CPLANE1: variants seen among roughly 807,000 people sequenced by gnomAD.
CPLANE1 encodes the protein ciliogenesis and planar polarity effector complex subunit 1, also known as ciliogenesis and planar polarity effector 1.
Under a neutral mutation model 362.5 loss-of-function variants are expected in CPLANE1, and 263 were observed. The observed-to-expected ratio is 0.73, with a 90% CI of 0.66 to 0.80. The LOEUF is 0.80. Among genes scored for constraint, CPLANE1 ranks in the 30% least tolerant of loss-of-function variants. The pLI is 0.00. For synonymous variants in CPLANE1, 1,212 were observed against 1,302.6 expected (o/e 0.93, Z 1.50); for missense variants, 3,461 against 3,793.4 (o/e 0.91, Z 2.30).
At chr5:37,210,170 G>C (rs1792188438) in intron 16 of CPLANE1, 2 of 1,277,760 alleles carry the variant, frequency 1.6e-6, no homozygotes, top group Non-Finnish European at 2.3e-6. Flanking sequence ...GCACCCTTGA[G>C]AGAATTCAAA....
At position 37,115,042 on chromosome 5, in the gene CPLANE1, G is replaced by A; in HGVS notation, c.9318C>T (p.Ala3106=). 1 of 1,601,612 alleles carries A rather than the reference G, an allele frequency of 6.2e-7. No homozygotes were observed. Residue 3106 remains alanine, a synonymous_variant, in exon 51 of 53, where the codon GCC becomes GCT. Transcript: ENST00000651892. ...CAGCTTTTTTCTGTATGGTGAAAGT[G>A]GCAGTTCCTATACAGAGAGACAAAC... ...PQGSPWPHGT[A]TFTIQKKAGG...
intron 44 of CPLANE1, chr5:37,141,936 G>T: frequency 1.9e-6 from 1 of 523,270 alleles, no homozygotes; most frequent in Non-Finnish European, 2.5e-6. Context: ...GTGATGTTTG[G>T]CACATGGTAG....
chr5:37,129,675 G>A (rs1160786129), intron 46 of CPLANE1, among the ~76,000 whole-genome samples: 3 of 152,184 alleles, frequency 2.0e-5, no homozygotes, highest in Admixed American at 1.3e-4. Context: ...TCAGGGAAAT[G>A]CAAATAAAAA....
intron 31 of CPLANE1, among the ~76,000 whole-genome samples, chr5:37,174,965 C>T (rs1780755453): frequency 1.3e-5 from 2 of 152,152 alleles, no homozygotes; most frequent in African/African-American, 4.8e-5. Flanking sequence ...AGCTGGGTGA[C>T]AAGGGAGTTA....
At chr5:37,162,220 C>T (rs1013214976) in intron 38 of CPLANE1, among the ~76,000 whole-genome samples, 2 of 152,128 alleles carry the variant, frequency 1.3e-5, no homozygotes, top group African/African-American at 4.8e-5. Context: ...AAATTCAAAG[C>T]ATTATATTTA....
At chr5:37,122,347 A>T in intron 48 of CPLANE1, 83 bp downstream of exon 48, 2 of 1,067,264 alleles carry the variant, frequency 1.9e-6, no homozygotes, top group South Asian at 1.4e-5. Context: ...GACTATTGTG[A>T]AAACAGAATT....
chr5:37,106,796 A>G lies in CPLANE1; in HGVS notation c.*806T>C. 1 of 945,594 alleles carries G rather than the reference A, an allele frequency of 1.1e-6. No homozygotes were observed. Among genetic ancestry groups the G allele is most frequent in the Non-Finnish European group, 1.3e-6 (1 of 793,760 alleles). 58.6% of individuals were successfully genotyped at this position (945,594 alleles called of 1,614,324 possible). A position where few individuals can be genotyped will look rare whatever the true frequency, so the allele number is the denominator to read the frequency against. ...CTTTTTCAGATGATAGTGTGCTTTTATATTATACCAAACATTGATGAAGTA... is the reference window on the plus strand; with the variant it reads ...CTTTTTCAGATGATAGTGTGCTTTTGTATTATACCAAACATTGATGAAGTA... On this transcript the variant is annotated 3_prime_UTR_variant, in exon 53 of 53. Coordinates refer to ENST00000651892, the MANE Select transcript of CPLANE1 (RefSeq NM_001384732.1).
intron 33 of CPLANE1, 85 bp from the exon 34 acceptor site, chr5:37,169,646 T>C (rs1779200446): frequency 4.2e-6 from 5 of 1,181,176 alleles, no homozygotes; most frequent in Non-Finnish European, 5.9e-6. Context: ...TGTTTTGCAG[T>C]GGGTAGAATG....
At chr5:37,121,880 G>A in intron 48 of CPLANE1, 96 bp from the exon 49 acceptor site, 2 of 996,494 alleles carry the variant, frequency 2.0e-6, no homozygotes, top group South Asian at 3.6e-5. Flanking sequence ...AGCATGTTCT[G>A]GTTTTTTTTT....
At chr5:37,241,487 GTAGA>G (rs1407130291) in intron 6 of CPLANE1, among the ~76,000 whole-genome samples, 1 of 151,588 alleles carries the variant, frequency 6.6e-6, no homozygotes, top group Non-Finnish European at 1.5e-5. Context: ...AGATAGATAG[GTAGA>G]TAGACAGAAA....
chr5:37,183,737 C>T, intron 25 of CPLANE1, 38 bp from the exon 26 acceptor site: 1 of 1,341,260 alleles, frequency 7.5e-7, no homozygotes, highest in Non-Finnish European at 1.0e-6. Context: ...AATTAGAGAT[C>T]ATTTAATCAC....
chr5:37,076,831 A>G, the CPLANE1 span, among the ~76,000 whole-genome samples: 6 of 147,046 alleles, frequency 4.1e-5, no homozygotes, highest in Admixed American at 6.9e-5. Context: ...CCATGCATCT[A>G]GGATGCCTAG....
chr5:37,245,747 G>C lies in CPLANE1; in HGVS notation c.180C>G (p.Phe60Leu). The change falls in exon 3 of 53, where the codon TTC (phenylalanine) becomes TTG (leucine). Residue 60 changes from phenylalanine to leucine, a missense_variant. Transcript: ENST00000651892. Reference protein sequence around the residue: ...IKKKIPSLQPFLKDVIVLTTS... With the variant: ...IKKKIPSLQPLLKDVIVLTTS... ...TTGTTAGGACAATAACATCCTTCAA[G>C]AAAGGCTGCAGACTAGGAATTTTCT... The C allele has an allele frequency of 6.5e-7, 1 of 1,534,752 alleles. No homozygotes were observed. Among genetic ancestry groups the C allele is most frequent in the South Asian group, 1.3e-5 (1 of 78,478 alleles).
intron 50 of CPLANE1, among the ~76,000 whole-genome samples, chr5:37,117,165 T>C (rs1280040659): frequency 6.6e-6 from 1 of 152,198 alleles, no homozygotes; most frequent in African/African-American, 2.4e-5. Flanking sequence ...AATTTGTTTA[T>C]AAATAGCTAT....
intron 46 of CPLANE1, among the ~76,000 whole-genome samples, chr5:37,135,885 T>C (rs748989502): frequency 1.3e-4 from 20 of 151,828 alleles, no homozygotes; most frequent in Non-Finnish European, 2.6e-4. Flanking sequence ...GTTTTTACTA[T>C]CACGAGAACA....
At chr5:37,170,937 C>T (rs956118279) in intron 32 of CPLANE1, among the ~76,000 whole-genome samples, 1 of 151,948 alleles carries the variant, frequency 6.6e-6, no homozygotes, top group African/African-American at 2.4e-5. Flanking sequence ...TCTGTCTACA[C>T]ACACGAAAAA....
intron 21 of CPLANE1, among the ~76,000 whole-genome samples, chr5:37,188,769 T>C (rs892284227): frequency 6.6e-6 from 1 of 152,368 alleles, no homozygotes; most frequent in Non-Finnish European, 1.5e-5. Flanking sequence ...AAGAAAAATA[T>C]AGGAACTTTT....
At chr5:37,144,352 G>A (rs1770813322) in intron 43 of CPLANE1, among the ~76,000 whole-genome samples, 1 of 146,228 alleles carries the variant, frequency 6.8e-6, no homozygotes, top group African/African-American at 2.5e-5. Context: ...AGGCTGCAGT[G>A]AGCCGAGATC....
chr5:37,078,973 T>A, the CPLANE1 span, among the ~76,000 whole-genome samples: 3 of 152,216 alleles, frequency 2.0e-5, no homozygotes, highest in Non-Finnish European at 4.4e-5. Flanking sequence ...ATGGACAGAT[T>A]GCAAAAATGT....
Sources: allele counts gnomAD v4.1 joint callset (sites outside exome capture counted in the v4.1 genomes callset), GRCh38; gene constraint gnomAD v4.1.1; transcripts MANE v1.5; gene names NCBI Gene and HGNC (gene_info 2026-07-23, HGNC 2026-07-21).